ASXL2: variants seen among roughly 807,000 people sequenced by gnomAD.
ASXL2 encodes putative Polycomb group protein ASXL2.
ASXL2 carries 23 observed loss-of-function variants against 122.0 expected under a neutral mutation model. That is an observed-to-expected ratio of 0.19 (90% CI 0.14 to 0.27). The LOEUF is 0.27. ASXL2 is among the 10% of genes least tolerant of loss of function. The pLI is 1.00. For missense variants in ASXL2, 1,518 were observed against 1,713.8 expected (o/e 0.89, Z 2.02); for synonymous variants, 650 against 637.0 (o/e 1.02, Z -0.31).
chr2:25,778,528 T>C (rs2088583174), intron 5 of ASXL2, among the ~76,000 whole-genome samples: 2 of 152,230 alleles, frequency 1.3e-5, no homozygotes, highest in African/African-American at 2.4e-5. Flanking sequence ...ACCTGCAACT[T>C]CAGAAAACTC....
At chr2:25,877,686 C>A (rs756876210) in intron 1 of ASXL2, among the ~76,000 whole-genome samples, 1 of 152,338 alleles carries the variant, frequency 6.6e-6, no homozygotes, top group Non-Finnish European at 1.5e-5. Context: ...AAACAGGGGG[C>A]CCGGGGTCAC....
chr2:25,772,873 TG>T (rs1340429294), intron 5 of ASXL2, among the ~76,000 whole-genome samples: 1 of 152,012 alleles, frequency 6.6e-6, no homozygotes, highest in East Asian at 1.9e-4. Context: ...AAGAAAGGAA[TG>T]CACAGCAGAT....
intron 2 of ASXL2, among the ~76,000 whole-genome samples, chr2:25,836,606 A>T (rs2089514694): frequency 6.6e-6 from 1 of 152,224 alleles, no homozygotes; most frequent in African/African-American, 2.4e-5. Flanking sequence ...ATCAGATGTC[A>T]TTAGGACTCC....
intron 1 of ASXL2, among the ~76,000 whole-genome samples, chr2:25,873,418 A>G (rs1226507277): frequency 6.6e-6 from 1 of 152,128 alleles, no homozygotes; most frequent in Non-Finnish European, 1.5e-5. Context: ...TCAAAAAATA[A>G]TAATATTTCC....
intron 8 of ASXL2, among the ~76,000 whole-genome samples, chr2:25,765,155 TTA>T (rs1400104119): frequency 1.3e-5 from 2 of 152,168 alleles, no homozygotes; most frequent in Non-Finnish European, 2.9e-5. Context: ...GTTTTATCAT[TTA>T]TGTTTTACAC....
rs374475698 is a variant in ASXL2, at chr2:25,772,159, T to A, written c.404-619A>T. On this transcript the variant is annotated intron_variant, in intron 5 of 12. Transcript: ENST00000435504. ...TTTAGCCAGATCTGAGTGGGTCTTA[T>A]GCGAACAAGGGTTCTTTAAGAATCT... Among the ~76,000 whole-genome samples the A allele has an allele frequency of 4.5e-4, 69 of 152,330 alleles. No individual in the cohort carries two copies. In the South Asian group the frequency reaches 0.013, roughly 30 times the overall value.
chr2:25,769,942 C>T lies in ASXL2; in HGVS notation c.505-1074G>A, dbSNP rs928038843. Among the ~76,000 whole-genome samples the T allele has an allele frequency of 9.2e-5, 14 of 152,346 alleles. 1 individual carries two copies. The highest frequency in any genetic ancestry group is 6.2e-4 in the South Asian group (3 of 4,824). On this transcript the variant is annotated intron_variant, in intron 6 of 12. Transcript: ENST00000435504. ...AAGCAACTGAGAGAGCTCTATGTCT[C>T]GCTTAGCCTCACCTACATTTATAAT...
intron 2 of ASXL2, among the ~76,000 whole-genome samples, chr2:25,843,829 A>AAAAAAAAAAG (rs1553704936): frequency 7.3e-5 from 11 of 151,260 alleles, no homozygotes; most frequent in African/African-American, 2.7e-4. Flanking sequence ...AAAAAAAAAA[A>AAAAAAAAAAG]AAAGAAAGAA....
rs372692351 is a variant in ASXL2 at position 25,742,095 on chromosome 2, G to A, written c.4242C>T (p.Gly1414=). The change falls in exon 13 of 13, where the codon GGC becomes GGT. Residue 1414 remains glycine (G), a synonymous_variant. Coordinates refer to ENST00000435504, the MANE Select transcript of ASXL2 (RefSeq NM_018263.6). ...CGATGCAATCATCATGGCAGAAAGCGCCACAGCCTTTGCACATGATCATGG... is the reference window on the plus strand; with the variant it reads ...CGATGCAATCATCATGGCAGAAAGCACCACAGCCTTTGCACATGATCATGG... ...LKAMIMCKGC[G]AFCHDDCIGP... is the part of the protein sequence containing the mutation. 2.1e-5 allele frequency: 34 copies of A among 1,613,856 alleles called. No individual in the cohort carries two copies. Among genetic ancestry groups the A allele is most frequent in the East Asian group, 2.2e-5 (1 of 44,902 alleles).
chr2:25,813,093 C>T (rs528858786), intron 3 of ASXL2, among the ~76,000 whole-genome samples: 34 of 152,268 alleles, frequency 2.2e-4, no homozygotes, highest in African/African-American at 7.9e-4. Flanking sequence ...AATAAGCTAC[C>T]TGGTAAATTT....
intron 5 of ASXL2, among the ~76,000 whole-genome samples, chr2:25,772,343 C>T (rs1369529692): frequency 1.3e-5 from 2 of 152,108 alleles, no homozygotes; most frequent in African/African-American, 2.4e-5. Context: ...TGAATGTTTA[C>T]TAAAGTCTTC....
intron 5 of ASXL2, among the ~76,000 whole-genome samples, chr2:25,784,046 T>C (rs2088694439): frequency 6.9e-6 from 1 of 144,916 alleles, no homozygotes; most frequent in Non-Finnish European, 1.5e-5. Context: ...AGAGTGAAAC[T>C]CCATCTCTAA....
At chr2:25,824,929 C>T (rs1370914780) in intron 3 of ASXL2, among the ~76,000 whole-genome samples, 1 of 152,164 alleles carries the variant, frequency 6.6e-6, no homozygotes, top group Non-Finnish European at 1.5e-5. Flanking sequence ...GTATACATGG[C>T]CCATCAACTT....
At chr2:25,767,959 G>GT (rs2088382614) in intron 7 of ASXL2, among the ~76,000 whole-genome samples, 5 of 152,134 alleles carry the variant, frequency 3.3e-5, no homozygotes, top group Admixed American at 3.3e-4. Context: ...ATGCAGTTCT[G>GT]TAAGATTCAG....
chr2:25,845,415 A>G, intron 2 of ASXL2, 66 bp downstream of exon 2: 1 of 1,335,632 alleles, frequency 7.5e-7, no homozygotes, highest in Non-Finnish European at 1.0e-6. Context: ...AAAGTATACT[A>G]TTATATACTA....
At chr2:25,842,740 A>G (rs2089600515) in intron 2 of ASXL2, among the ~76,000 whole-genome samples, 1 of 150,830 alleles carries the variant, frequency 6.6e-6, no homozygotes, top group Admixed American at 6.6e-5. Flanking sequence ...ATATCTATAT[A>G]TATGTATGTA....
chr2:25,768,860 C>T lies in ASXL2; in HGVS notation c.513G>A (p.Lys171=), dbSNP rs765543093. 4 of 1,613,484 alleles carry T rather than the reference C, an allele frequency of 2.5e-6. No individual in the cohort carries two copies. Among genetic ancestry groups the T allele is most frequent in the East Asian group, 2.2e-5 (1 of 44,878 alleles). The change falls in exon 7 of 13, where the codon AAG becomes AAA. Residue 171 remains lysine (K), a synonymous_variant. Coordinates refer to ENST00000435504, the MANE Select transcript of ASXL2 (RefSeq NM_018263.6). ...HSKKALKQAL[K]QQQQKKQQQQ... is the part of the protein sequence containing the mutation. ...GCTGCTGCTTCTTCTGCTGTTGCTGCTTTAGCGCCTATAAAGATAAAACAG... is the reference window on the plus strand; with the variant it reads ...GCTGCTGCTTCTTCTGCTGTTGCTGTTTTAGCGCCTATAAAGATAAAACAG...
At chr2:25,864,171 G>A (rs1417895756) in intron 1 of ASXL2, among the ~76,000 whole-genome samples, 1 of 152,046 alleles carries the variant, frequency 6.6e-6, no homozygotes, top group South Asian at 2.1e-4. Flanking sequence ...GGGCACAAAA[G>A]CAGCAACAGT....
At position 25,743,792 on chromosome 2, in the gene ASXL2, A is replaced by G. The variant is rs867924234; in HGVS notation, c.2545T>C (p.Cys849Arg). 4 of 1,614,030 alleles carry G rather than the reference A, an allele frequency of 2.5e-6. No homozygotes were observed. Among genetic ancestry groups the G allele is most frequent in the African/African-American group, 1.3e-5 (1 of 75,052 alleles). Residue 849 changes from cysteine to arginine, a missense_variant, in exon 13 of 13, where the codon TGT becomes CGT. Physicochemically the swap from Cys to Arg is radical, Grantham distance 180. Transcript: ENST00000435504. ...AGCTCAACTGTGCCATCAGCTGCAC[A>G]ATGAACAGGTGAGGCACCTGAGATT... ...ALISGASPVHCAADGTVELKA... is the reference protein window; with the variant it reads ...ALISGASPVHRAADGTVELKA...
Sources: gnomAD v4.1 joint callset for allele counts (sites outside exome capture counted in the v4.1 genomes callset) on GRCh38, gnomAD v4.1.1 for gene constraint, MANE v1.5 for transcripts, NCBI Gene and HGNC (gene_info 2026-07-23, HGNC 2026-07-21) for gene names.